The following SMYD5 variants were observed in gnomAD, a reference collection of about 807,000 sequenced individuals.
SMYD5 encodes SMYD family member 5.
SMYD5 carries 35 observed loss-of-function variants against 57.4 expected under a neutral mutation model. That is an observed-to-expected ratio of 0.61 (90% CI 0.47 to 0.81). The LOEUF is 0.81. Ranked by LOEUF, SMYD5 falls within the 30% of genes least tolerant of loss-of-function variation. The probability of loss-of-function intolerance (pLI) is 0.00; values close to 1 mark genes in which losing one functional copy is unlikely to be tolerated. For synonymous variants in SMYD5, 198 were observed against 189.7 expected, an observed-to-expected ratio of 1.04 and a Z score of -0.36; for missense variants, 471 against 527.9, an observed-to-expected ratio of 0.89 and a Z score of 1.06.
At chr2:73,225,589 A>C in intron 11 of SMYD5, 42 bp from the exon 12 acceptor site, 2 of 1,583,200 alleles carry the variant, frequency 1.3e-6, no homozygotes, top group Non-Finnish European at 1.7e-6. Flanking sequence ...TATGCCATTT[A>C]AAAGAGCACA....
chr2:73,222,593 G>A (rs1454613279), intron 6 of SMYD5, among the ~76,000 whole-genome samples, 162 bp from the exon 7 acceptor site: 3 of 152,246 alleles, frequency 2.0e-5, no homozygotes, highest in African/African-American at 4.8e-5. Context: ...GACTGCCAAA[G>A]CTCTTTGGAG....
intron 6 of SMYD5, 136 bp downstream of exon 6, chr2:73,222,066 C>G (rs1449967451): frequency 4.8e-6 from 3 of 629,904 alleles, no homozygotes; most frequent in Non-Finnish European, 8.6e-6. Context: ...GAAATCGATT[C>G]AGAGGAGTTA....
At chr2:73,219,529 A>G (rs7578390) in intron 2 of SMYD5, among the ~76,000 whole-genome samples, 51,227 of 152,014 alleles carry the variant, frequency 0.34, 8,669 homozygotes, top group East Asian at 0.37. Flanking sequence ...TTACAGGCAC[A>G]CACAACCATG....
At position 73,214,360 on chromosome 2, in the gene SMYD5, A is replaced by C. The variant is rs1686250675; in HGVS notation, c.94A>C (p.Lys32Gln). 1 of 1,613,256 alleles carries C rather than the reference A, an allele frequency of 6.2e-7. No individual in the cohort carries two copies. Residue 32 changes from lysine (K) to glutamine (Q), a missense_variant and splice_region_variant, in exon 1 of 13, where the codon AAG (lysine) becomes CAG (glutamine). Physicochemically the swap from Lys to Gln is moderately conservative, Grantham distance 53. Coordinates refer to ENST00000389501, the MANE Select transcript of SMYD5 (RefSeq NM_006062.3). ...SVEVRFVSSA[K>Q]GKGLFATQLI... ...GGAAGTCCGTTTCGTGAGCAGCGCC[A>C]AGGTGAGGTCGGGGCGGGTCCTGCC...
intron 1 of SMYD5, 64 bp downstream of exon 1, chr2:73,214,426 G>A (rs1196165888): frequency 1.2e-6 from 2 of 1,608,926 alleles, no homozygotes; most frequent in Non-Finnish European, 1.7e-6. Context: ...CAGCCCGGCC[G>A]GACTCCATGC....
chr2:73,214,668 A>T, intron 1 of SMYD5: 1 of 1,452,920 alleles, frequency 6.9e-7, no homozygotes, highest in Admixed American at 2.1e-5. Flanking sequence ...GTATCCCTGG[A>T]ACGGTGGGCG....
intron 1 of SMYD5, among the ~76,000 whole-genome samples, chr2:73,218,358 G>A (rs1456408400): frequency 6.6e-6 from 1 of 152,198 alleles, no homozygotes; most frequent in East Asian, 1.9e-4. Flanking sequence ...GGTGCTGTGG[G>A]TATTCAGCTG....
chr2:73,214,347 C>T lies in SMYD5; in HGVS notation c.81C>T (p.Phe27=). ...CGCGGGTCTCCGTGGAAGTCCGTTT[C>T]GTGAGCAGCGCCAAGGTGAGGTCGG... The part of the protein sequence containing the change: ...GRARVSVEVR[F]VSSAKGKGLF... The change falls in exon 1 of 13, where the codon TTC becomes TTT. Residue 27 remains phenylalanine (F), a synonymous_variant. Coordinates refer to ENST00000389501, the MANE Select transcript of SMYD5 (RefSeq NM_006062.3). The T allele has an allele frequency of 6.2e-7, 1 of 1,613,514 alleles. No individual in the cohort carries two copies. The highest frequency in any genetic ancestry group is 8.5e-7 in the Non-Finnish European group (1 of 1,179,820).
At chr2:73,214,559 T>C (rs1029737850) in intron 1 of SMYD5, 197 bp downstream of exon 1, 5 of 1,487,250 alleles carry the variant, frequency 3.4e-6, no homozygotes, top group East Asian at 2.5e-5. Context: ...GACCCGGGCC[T>C]CCGGAGTCTC....
Position 73,214,372 on chromosome 2 carries a change from G to C in SMYD5, c.96+10G>C, listed in dbSNP as rs1686251070. ...CGTGAGCAGCGCCAAGGTGAGGTCG[G>C]GGCGGGTCCTGCCGGGAGCCTCTCC... is the stretch of plus-strand genomic sequence containing the variant. On this transcript the variant is annotated intron_variant, in intron 1 of 12. Coordinates refer to ENST00000389501, the MANE Select transcript of SMYD5 (RefSeq NM_006062.3). 1 of 1,613,034 alleles carries C rather than the reference G, an allele frequency of 6.2e-7. No individual in the cohort carries two copies. The highest frequency in any genetic ancestry group is 1.3e-5 in the African/African-American group (1 of 74,896).
chr2:73,221,431 T>C (rs1055035657), intron 5 of SMYD5, among the ~76,000 whole-genome samples, 197 bp downstream of exon 5: 2 of 141,686 alleles, frequency 1.4e-5, no homozygotes. Flanking sequence ...TTGCCTGTAG[T>C]CTTTTTTTTT....
At chr2:73,222,152 A>C (rs1686408966) in intron 6 of SMYD5, among the ~76,000 whole-genome samples, 1 of 152,242 alleles carries the variant, frequency 6.6e-6, no homozygotes, top group Non-Finnish European at 1.5e-5. Flanking sequence ...GAGGAAGGGC[A>C]TGTCAGATGC....
intron 12 of SMYD5, 27 bp downstream of exon 12, chr2:73,225,728 G>C: frequency 6.2e-7 from 1 of 1,614,192 alleles, no homozygotes; most frequent in Non-Finnish European, 8.5e-7. Context: ...TGGTTGTGCA[G>C]CTGGGCTCTG....
intron 9 of SMYD5, 29 bp downstream of exon 9, chr2:73,223,561 C>T (rs1686440919): frequency 1.4e-6 from 2 of 1,459,582 alleles, no homozygotes; most frequent in East Asian, 2.3e-5. Context: ...TGGCCTCACC[C>T]AGCCATGGCG....
Position 73,214,275 on chromosome 2 carries a change from C to T in SMYD5, c.9C>T (p.Ala3=), listed in dbSNP as rs770497500. Residue 3 remains alanine (A), a synonymous_variant, in exon 1 of 13, where the codon GCC becomes GCT. Coordinates refer to ENST00000389501, the MANE Select transcript of SMYD5 (RefSeq NM_006062.3). Reference sequence around the variant, plus strand: ...GCGGAGGCGCGCCCAAGATGGCGGCCTCCATGTGCGACGTGTTCTCCTTCT... The same window carrying T: ...GCGGAGGCGCGCCCAAGATGGCGGCTTCCATGTGCGACGTGTTCTCCTTCT... MA[A]SMCDVFSFCV... 2.5e-6 allele frequency: 4 copies of T among 1,613,738 alleles called. No individual in the cohort carries two copies. Among genetic ancestry groups the T allele is most frequent in the East Asian group, 4.5e-5 (2 of 44,870 alleles).
At chr2:73,225,188 A>G (rs1027303315) in intron 11 of SMYD5, 2 of 515,692 alleles carry the variant, frequency 3.9e-6, no homozygotes, top group South Asian at 2.7e-5. Context: ...AGGGACACCT[A>G]TGTGCTCAGA....
chr2:73,214,570 C>G (rs1401641227), intron 1 of SMYD5: 5 of 1,493,684 alleles, frequency 3.3e-6, no homozygotes, highest in Non-Finnish European at 4.5e-6. Context: ...CCGGAGTCTC[C>G]GTGCGCATTT....
intron 11 of SMYD5, 95 bp downstream of exon 11, chr2:73,225,055 G>A (rs1297554900): frequency 4.6e-6 from 4 of 867,184 alleles, no homozygotes; most frequent in Middle Eastern, 3.2e-4. Context: ...GCACCTTGAA[G>A]TTCAGGCTGT....
In SMYD5 at chr2:73,221,939, T is replaced by G. The variant is rs974988320; in HGVS notation, c.642+9T>G. 6.5e-7 allele frequency: 1 copy of G among 1,548,020 alleles called. No homozygotes were observed. Among genetic ancestry groups the G allele is most frequent in the Non-Finnish European group, 8.9e-7 (1 of 1,119,820 alleles). ...TGGGAGACAAATTCAAGGTTATTAT[T>G]CTCCCGTGGCCTGTCTCCTTCCCTC... On this transcript the variant is annotated intron_variant, in intron 6 of 12. Transcript: ENST00000389501.
Sources: allele counts gnomAD v4.1 joint callset (sites outside exome capture counted in the v4.1 genomes callset), GRCh38; gene constraint gnomAD v4.1.1; transcripts MANE v1.5; gene names NCBI Gene and HGNC (gene_info 2026-07-23, HGNC 2026-07-21).